The following CPAMD8 variants were observed in gnomAD, a reference collection of about 807,000 sequenced individuals.
The protein encoded by CPAMD8 is C3 and PZP-like alpha-2-macroglobulin domain-containing protein 8.
In CPAMD8, 146 loss-of-function variants were observed where a neutral mutation model predicts 224.7. The ratio of observed to expected loss-of-function variants is 0.65; its 90% CI spans 0.57 to 0.75. CPAMD8 has a LOEUF of 0.75. Among genes scored for constraint, CPAMD8 ranks in the 30% least tolerant of loss-of-function variants. CPAMD8 has a pLI of 0.00. For missense variants in CPAMD8, 2,301 were observed against 2,537.5 expected, an observed-to-expected ratio of 0.91 and a Z score of 2.00; for synonymous variants, 966 against 1,044.6, an observed-to-expected ratio of 0.92 and a Z score of 1.45.
At chr19:16,941,701 A>G (rs1393904233) in intron 22 of CPAMD8, among the ~76,000 whole-genome samples, 2 of 152,174 alleles carry the variant, frequency 1.3e-5, no homozygotes, top group Non-Finnish European at 2.9e-5. Context: ...GCGGCTGGGC[A>G]CGGTGGCTCA....
chr19:16,953,185 C>T (rs1428737477), intron 19 of CPAMD8, among the ~76,000 whole-genome samples: 1 of 152,060 alleles, frequency 6.6e-6, no homozygotes. Context: ...GAATTTGGAC[C>T]TTACCTAACA....
At chr19:16,947,789 C>T (rs1043490110) in intron 20 of CPAMD8, among the ~76,000 whole-genome samples, 2 of 152,080 alleles carry the variant, frequency 1.3e-5, no homozygotes, top group Non-Finnish European at 2.9e-5. Flanking sequence ...TGCATGTACA[C>T]ACATGTGCAT....
chr19:16,919,787 G>A (rs76839202), intron 27 of CPAMD8, among the ~76,000 whole-genome samples: 11 of 152,332 alleles, frequency 7.2e-5, no homozygotes, highest in East Asian at 1.9e-4. Context: ...ATGAATGTGC[G>A]TTGAGTATAA....
chr19:16,906,374 CT>C (rs2052496325), intron 30 of CPAMD8, among the ~76,000 whole-genome samples: 3 of 93,706 alleles, frequency 3.2e-5, no homozygotes, highest in South Asian at 3.8e-4. Flanking sequence ...TTCTTTCTTT[CT>C]TTCTTTCTTT....
intron 18 of CPAMD8, among the ~76,000 whole-genome samples, chr19:16,966,092 T>C (rs563976592): frequency 6.6e-6 from 1 of 152,242 alleles, no homozygotes; most frequent in East Asian, 1.9e-4. Context: ...GTTCAAACTA[T>C]ACTACAAGGC....
intron 20 of CPAMD8, among the ~76,000 whole-genome samples, chr19:16,949,660 C>G (rs1050942494): frequency 6.6e-6 from 1 of 152,196 alleles, no homozygotes; most frequent in Non-Finnish European, 1.5e-5. Flanking sequence ...GCTTTTCCAT[C>G]TTCCCTGACC....
intron 18 of CPAMD8, among the ~76,000 whole-genome samples, chr19:16,963,733 A>C (rs543446790): frequency 3.2e-4 from 48 of 152,336 alleles, no homozygotes; most frequent in Non-Finnish European, 6.0e-4. Flanking sequence ...AAATCAACAG[A>C]ATATACATTC....
rs1490322950 is a variant in CPAMD8, at chr19:16,914,515, A to G, written c.3787-17T>C. 1.2e-6 allele frequency: 2 copies of G among 1,613,478 alleles called. No individual in the cohort carries two copies. The highest frequency in any genetic ancestry group is 1.7e-4 in the Middle Eastern group (1 of 6,060). On this transcript the variant is annotated splice_polypyrimidine_tract_variant and intron_variant, in intron 28 of 41. Coordinates refer to ENST00000443236, the MANE Select transcript of CPAMD8 (RefSeq NM_015692.5). ...GATCCCACCCTGCAAGGGGACTCAC[A>G]GGCCTCACCCTAAGCCAAAGGAGAC...
intron 19 of CPAMD8, among the ~76,000 whole-genome samples, chr19:16,956,686 G>A (rs1306067397): frequency 2.8e-5 from 4 of 145,388 alleles, no homozygotes; most frequent in African/African-American, 1.0e-4. Flanking sequence ...TTTTTTTTTT[G>A]AGACGGAGTC....
intron 24 of CPAMD8, among the ~76,000 whole-genome samples, chr19:16,928,693 T>C (rs1340477581): frequency 6.6e-6 from 1 of 151,900 alleles, no homozygotes; most frequent in African/African-American, 2.4e-5. Flanking sequence ...CTCATGTCCA[T>C]TCTTCTTTTC....
chr19:17,026,530 C>A, intron 1 of CPAMD8, 21 bp downstream of exon 1: 1 of 1,483,064 alleles, frequency 6.7e-7, no homozygotes, highest in Non-Finnish European at 8.9e-7. Context: ...CCGACCTCCT[C>A]TGTCGCCGGA....
intron 18 of CPAMD8, among the ~76,000 whole-genome samples, chr19:16,960,833 C>T (rs917906280): frequency 6.6e-6 from 1 of 151,236 alleles, no homozygotes; most frequent in African/African-American, 2.4e-5. Flanking sequence ...ACATGGAAGG[C>T]AGTGAGCTGA....
chr19:16,902,638 G>C lies in CPAMD8; in HGVS notation c.4685+11C>G. On this transcript the variant is annotated intron_variant, in intron 35 of 41. Coordinates refer to ENST00000443236, the MANE Select transcript of CPAMD8 (RefSeq NM_015692.5). ...CTGGGATGCCCACGCCAGCAGGGCA[G>C]GTGGCCTTACCTGGTGCACACCTCC... 1.3e-6 allele frequency: 2 copies of C among 1,581,600 alleles called. 1 individual carries two copies. The highest frequency in any genetic ancestry group is 2.2e-5 in the South Asian group (2 of 89,544).
chr19:16,921,428 G>A (rs1265600526), intron 27 of CPAMD8, among the ~76,000 whole-genome samples: 3 of 152,018 alleles, frequency 2.0e-5, no homozygotes, highest in East Asian at 1.9e-4. Context: ...AGGTGTGCCC[G>A]GCCTCCCAGG....
chr19:16,917,305 G>A (rs1164969095), intron 27 of CPAMD8, among the ~76,000 whole-genome samples: 1 of 152,096 alleles, frequency 6.6e-6, no homozygotes, highest in African/African-American at 2.4e-5. Context: ...AGTTCATAAC[G>A]TTTTGATGCC....
intron 21 of CPAMD8, among the ~76,000 whole-genome samples, chr19:16,946,448 C>T (rs1459778738): frequency 1.5e-5 from 2 of 129,252 alleles, no homozygotes; most frequent in Non-Finnish European, 3.2e-5. Context: ...TGCATGTCTA[C>T]ACATGTGGGC....
intron 14 of CPAMD8, among the ~76,000 whole-genome samples, chr19:16,979,296 CTCCATCCATCTATTCA>C (rs1013432568): frequency 4.7e-5 from 7 of 149,028 alleles, no homozygotes; most frequent in Non-Finnish European, 5.9e-5. Flanking sequence ...CCTTCTGTAC[CTCCATCCATCTATTCA>C]TCCATCCATC....
At chr19:16,978,023 G>T (rs190327510) in intron 14 of CPAMD8, among the ~76,000 whole-genome samples, 1 of 152,264 alleles carries the variant, frequency 6.6e-6, no homozygotes, top group Admixed American at 6.5e-5. Context: ...GTGGGTAAAT[G>T]ATCCTTAAAG....
At chr19:16,954,932 T>A (rs2054418655) in intron 19 of CPAMD8, among the ~76,000 whole-genome samples, 2 of 152,130 alleles carry the variant, frequency 1.3e-5, no homozygotes, top group South Asian at 4.1e-4. Context: ...ATCGATACCA[T>A]CCTGGGTAAC....
Sources: gnomAD v4.1 joint callset for allele counts (sites outside exome capture counted in the v4.1 genomes callset) on GRCh38, gnomAD v4.1.1 for gene constraint, MANE v1.5 for transcripts, NCBI Gene and HGNC (gene_info 2026-07-23, HGNC 2026-07-21) for gene names.